Variants in FAM124B observed in about 807,000 individuals in gnomAD.
FAM124B encodes protein FAM124B.
FAM124B carries 18 observed loss-of-function variants against 19.7 expected under a neutral mutation model. That is an observed-to-expected ratio of 0.92 (90% CI 0.63 to 1.36). FAM124B has a LOEUF of 1.36. Ranked by LOEUF, FAM124B falls within the 40% of genes most tolerant of loss-of-function variation. The pLI is 0.00. For missense variants in FAM124B, 540 were observed against 553.3 expected, an observed-to-expected ratio of 0.98 and a Z score of 0.24; for synonymous variants, 223 against 225.2, an observed-to-expected ratio of 0.99 and a Z score of 0.09.
At position 224,390,428 on chromosome 2, in the gene FAM124B, G is replaced by A. The variant is rs1021447753; in HGVS notation, c.733-10220C>T. 3.9e-5 allele frequency among the ~76,000 whole-genome samples: 6 copies of A among 152,096 alleles called. 1 individual carries two copies. Among genetic ancestry groups the A allele is most frequent in the Admixed American group, 3.9e-4 (6 of 15,276 alleles). On this transcript the variant is annotated intron_variant, in intron 1 of 1. Transcript: ENST00000409685. ...CAGCTCAACTGAGAAGCCAGGCATA[G>A]AAAGACGGCAAGATACCAGAGCCAT... is the stretch of plus-strand genomic sequence containing the variant.
intron 1 of FAM124B, chr2:224,400,371 C>T (rs551640702): frequency 1.4e-5 from 9 of 647,772 alleles, no homozygotes; most frequent in East Asian, 8.2e-5. Flanking sequence ...CCAGACATGG[C>T]GGCACGTGCC....
Position 224,401,570 on chromosome 2 carries a change from T to A in FAM124B, c.199A>T (p.Met67Leu), listed in dbSNP as rs1369647101. The A allele has an allele frequency of 1.2e-6, 2 of 1,613,958 alleles. No individual in the cohort carries two copies. The highest frequency in any genetic ancestry group is 1.3e-5 in the African/African-American group (1 of 74,898). Residue 67 changes from methionine (M) to leucine (L), a missense_variant, in exon 1 of 2, where the codon ATG (methionine) becomes TTG (leucine). Transcript: ENST00000409685. Reference sequence around the variant, plus strand: ...TCGTGCAGGAAGAGCAACACGGACATCCCTGGAAACCGGGACCGCTTGGAA... The same window carrying A: ...TCGTGCAGGAAGAGCAACACGGACAACCCTGGAAACCGGGACCGCTTGGAA... ...SHSKRSRFPGMSVLLFLHESP... is the reference protein window; with the variant it reads ...SHSKRSRFPGLSVLLFLHESP...
intron 1 of FAM124B, among the ~76,000 whole-genome samples, chr2:224,395,979 C>T (rs1321301574): frequency 6.6e-6 from 1 of 152,204 alleles, no homozygotes; most frequent in African/African-American, 2.4e-5. Flanking sequence ...CAGTTCCATT[C>T]ATAGGACTCA....
chr2:224,384,109 C>T (rs947445910), intron 1 of FAM124B, among the ~76,000 whole-genome samples: 5 of 152,204 alleles, frequency 3.3e-5, no homozygotes, highest in South Asian at 2.1e-4. Context: ...AGCCAGGAAG[C>T]GCCCTCCTGG....
chr2:224,380,145 C>A lies in FAM124B; in HGVS notation c.796G>T (p.Gly266Cys). Residue 266 changes from glycine to cysteine, a missense_variant, in exon 2 of 2, where the codon GGC (glycine) becomes TGC (cysteine). Transcript: ENST00000409685. ...GCAGAGACAGAAGTCAGCCTGGAGC[C>A]CAGGGGAAGCATGCCAGCTCCCAAG... ...GILGAGMLPL[G>C]SRLTSVSAKR... 6.4e-7 allele frequency: 1 copy of A among 1,551,538 alleles called. No individual in the cohort carries two copies. Among genetic ancestry groups the A allele is most frequent in the Non-Finnish European group, 8.7e-7 (1 of 1,146,914 alleles).
chr2:224,391,058 C>T (rs2106083516), intron 1 of FAM124B, among the ~76,000 whole-genome samples: 1 of 150,070 alleles, frequency 6.7e-6, no homozygotes, highest in South Asian at 2.1e-4. Flanking sequence ...AAAAGAAACA[C>T]TTGGCAGGGT....
chr2:224,401,782 G>A lies in FAM124B; in HGVS notation c.-14C>T. The A allele has an allele frequency of 6.2e-7, 1 of 1,602,224 alleles. No homozygotes were observed. Among genetic ancestry groups the A allele is most frequent in the Non-Finnish European group, 8.5e-7 (1 of 1,173,558 alleles). On this transcript the variant is annotated 5_prime_UTR_variant, in exon 1 of 2. Coordinates refer to ENST00000409685, the MANE Select transcript of FAM124B (RefSeq NM_001122779.2). ...TGTCTCATCCATGGAGGAACTGCCT[G>A]AGGCTGACAAAGACAGCGTGTGTAG... is the stretch of plus-strand genomic sequence containing the variant.
intron 1 of FAM124B, among the ~76,000 whole-genome samples, chr2:224,384,152 T>C (rs1689767102): frequency 6.6e-6 from 1 of 152,152 alleles, no homozygotes; most frequent in African/African-American, 2.4e-5. Flanking sequence ...CTCCCCTCTG[T>C]CACCCAGTCC....
At chr2:224,389,926 A>G (rs1312972359) in intron 1 of FAM124B, among the ~76,000 whole-genome samples, 1 of 152,048 alleles carries the variant, frequency 6.6e-6, no homozygotes, top group Non-Finnish European at 1.5e-5. Context: ...TTTGGTTGTC[A>G]CAACTCGGGG....
rs771925196 is a variant in FAM124B, at chr2:224,380,119, T to C, written c.822A>G (p.Ala274=). The change falls in exon 2 of 2, where the codon GCA becomes GCG. Residue 274 remains alanine, a synonymous_variant. Transcript: ENST00000409685. ...PLGSRLTSVS[A]KRTSEPRSQR... ...GGCTCCTGGGTTCTGAGGTCCTCTTTGCAGAGACAGAAGTCAGCCTGGAGC... is the reference window on the plus strand; with the variant it reads ...GGCTCCTGGGTTCTGAGGTCCTCTTCGCAGAGACAGAAGTCAGCCTGGAGC... 6.4e-7 allele frequency: 1 copy of C among 1,551,704 alleles called. No individual in the cohort carries two copies. The highest frequency in any genetic ancestry group is 1.4e-5 in the African/African-American group (1 of 73,176).
intron 1 of FAM124B, among the ~76,000 whole-genome samples, chr2:224,398,936 C>T (rs1690018907): frequency 6.6e-6 from 1 of 152,174 alleles, no homozygotes; most frequent in Non-Finnish European, 1.5e-5. Flanking sequence ...GAGATCACAC[C>T]ATTGCACTCC....
chr2:224,400,979 G>A, intron 1 of FAM124B, 58 bp downstream of exon 1: 5 of 1,525,192 alleles, frequency 3.3e-6, no homozygotes, highest in East Asian at 2.3e-5. Context: ...GGCCCATTCC[G>A]ATGTAAAATT....
chr2:224,401,434 G>A lies in FAM124B; in HGVS notation c.335C>T (p.Ala112Val). ...TRGRLCPYFFANQEFYSLDSQ... is the reference protein window; with the variant it reads ...TRGRLCPYFFVNQEFYSLDSQ... ...GTCCAGGCTGTAGAACTCCTGATTG[G>A]CAAAAAAGTAGGGACACAGCCTTCC... Residue 112 changes from alanine (A) to valine (V), a missense_variant, in exon 1 of 2, where the codon GCC (alanine) becomes GTC (valine). Coordinates refer to ENST00000409685, the MANE Select transcript of FAM124B (RefSeq NM_001122779.2). 1 of 1,613,934 alleles carries A rather than the reference G, an allele frequency of 6.2e-7. No individual in the cohort carries two copies. The highest frequency in any genetic ancestry group is 8.5e-7 in the Non-Finnish European group (1 of 1,179,982).
intron 1 of FAM124B, among the ~76,000 whole-genome samples, chr2:224,389,681 G>T (rs1327078080): frequency 6.6e-6 from 1 of 152,142 alleles, no homozygotes; most frequent in Admixed American, 6.5e-5. Flanking sequence ...TTGAGTCTGG[G>T]ATGGGGATGA....
At chr2:224,390,904 C>T (rs184150105) in intron 1 of FAM124B, among the ~76,000 whole-genome samples, 2,536 of 151,306 alleles carry the variant, frequency 0.017, 68 homozygotes, top group African/African-American at 0.056. Context: ...GGGGTTTCAC[C>T]GTGTTAGCCA....
At chr2:224,394,925 C>A (rs1433262727) in intron 1 of FAM124B, among the ~76,000 whole-genome samples, 1 of 152,136 alleles carries the variant, frequency 6.6e-6, no homozygotes, top group Admixed American at 6.6e-5. Context: ...CATTAGACCA[C>A]CAGGGCAGTG....
intron 1 of FAM124B, among the ~76,000 whole-genome samples, chr2:224,384,517 G>A (rs534649119): frequency 2.0e-4 from 30 of 152,246 alleles, no homozygotes; most frequent in African/African-American, 6.5e-4. Flanking sequence ...GAAACACATC[G>A]GTCTGTGAAA....
chr2:224,385,700 G>A (rs1689791875), intron 1 of FAM124B, among the ~76,000 whole-genome samples: 2 of 152,100 alleles, frequency 1.3e-5, no homozygotes, highest in African/African-American at 4.8e-5. Flanking sequence ...CTCACACCAA[G>A]TCTGTTCTGC....
intron 1 of FAM124B, among the ~76,000 whole-genome samples, chr2:224,394,973 A>G (rs144888591): frequency 2.1e-3 from 325 of 152,320 alleles, no homozygotes; most frequent in African/African-American, 7.4e-3. Context: ...GGCTAACAAG[A>G]TCATGGCTGT....
Sources: allele counts gnomAD v4.1 joint callset (sites outside exome capture counted in the v4.1 genomes callset), GRCh38; gene constraint gnomAD v4.1.1; transcripts MANE v1.5; gene names NCBI Gene and HGNC (gene_info 2026-07-23, HGNC 2026-07-21).